The following CDYL2 variants were observed in gnomAD, a reference collection of about 807,000 sequenced individuals.
The protein encoded by CDYL2 is chromodomain Y-like protein 2.
In CDYL2, 23 loss-of-function variants were observed where a neutral mutation model predicts 49.4. The observed-to-expected ratio is 0.47, with a 90% confidence interval of 0.34 to 0.66. The LOEUF (loss-of-function observed/expected upper bound fraction) is 0.66. Among genes scored for constraint, CDYL2 ranks in the 30% least tolerant of loss-of-function variants. The probability of loss-of-function intolerance (pLI) is 0.01; values close to 1 mark genes in which losing one functional copy is unlikely to be tolerated. For missense variants in CDYL2, 678 were observed against 656.4 expected (o/e 1.03, Z -0.36); for synonymous variants, 360 against 268.8 (o/e 1.34, Z -3.32).
At chr16:80,745,484 G>A (rs1905896002) in intron 1 of CDYL2, among the ~76,000 whole-genome samples, 3 of 152,160 alleles carry the variant, frequency 2.0e-5, no homozygotes, top group South Asian at 4.1e-4. Context: ...AAAGCCACCA[G>A]ACCTTTCTGT....
intron 1 of CDYL2, among the ~76,000 whole-genome samples, chr16:80,745,367 C>A (rs933128891): frequency 6.6e-6 from 1 of 152,156 alleles, no homozygotes; most frequent in East Asian, 1.9e-4. Flanking sequence ...AAAAGAAACA[C>A]ATAAATACTC....
chr16:80,712,540 C>T (rs1336662264), intron 1 of CDYL2, among the ~76,000 whole-genome samples: 1 of 152,080 alleles, frequency 6.6e-6, no homozygotes, highest in Non-Finnish European at 1.5e-5. Context: ...CCAAACCCAG[C>T]AGCAGGATGG....
In CDYL2 at chr16:80,718,740, G is replaced by A. The variant is rs1360355688; in HGVS notation, c.25-33611C>T. 2.6e-5 allele frequency among the ~76,000 whole-genome samples: 4 copies of A among 152,310 alleles called. No homozygotes were observed. In the East Asian group the frequency reaches 5.8e-4, roughly 22 times the overall value. ...ACAGACACGTGGATAGTGGGATGGA[G>A]AACCCAGAACAATGGGCCAGAGGGC... is the stretch of plus-strand genomic sequence containing the variant. On this transcript the variant is annotated intron_variant, in intron 1 of 6. Coordinates refer to ENST00000570137, the MANE Select transcript of CDYL2 (RefSeq NM_152342.4).
chr16:80,642,161 C>G (rs2316153), intron 2 of CDYL2, among the ~76,000 whole-genome samples: 33,727 of 152,026 alleles, frequency 0.22, 4,883 homozygotes, highest in African/African-American at 0.38. Context: ...ATTTATTAGT[C>G]GCCGGGTGTG....
chr16:80,781,688 T>C (rs1204159383), intron 1 of CDYL2, among the ~76,000 whole-genome samples: 1 of 152,110 alleles, frequency 6.6e-6, no homozygotes, highest in Non-Finnish European at 1.5e-5. Flanking sequence ...AAGGAAATCA[T>C]ACAAAGTACC....
At chr16:80,713,835 G>C (rs965342251) in intron 1 of CDYL2, among the ~76,000 whole-genome samples, 2 of 152,126 alleles carry the variant, frequency 1.3e-5, no homozygotes, top group Non-Finnish European at 2.9e-5. Context: ...GAGCCATGCT[G>C]TGAGGAAGCC....
intron 1 of CDYL2, among the ~76,000 whole-genome samples, chr16:80,744,792 G>C (rs1905868733): frequency 6.6e-6 from 1 of 152,116 alleles, no homozygotes; most frequent in African/African-American, 2.4e-5. Context: ...GAACAGAACG[G>C]TAATGTTATC....
intron 1 of CDYL2, among the ~76,000 whole-genome samples, chr16:80,744,277 G>A (rs1213959539): frequency 1.3e-5 from 2 of 152,024 alleles, no homozygotes; most frequent in Non-Finnish European, 2.9e-5. Context: ...TGCTCCCTAG[G>A]CCTGCTCCTC....
At position 80,598,327 on chromosome 16, in the gene CDYL2, A is replaced by G. The variant is rs1486833115; in HGVS notation, c.*6061T>C. The G allele has an allele frequency of 2.0e-5, 3 of 152,126 alleles. No homozygotes were observed. Among genetic ancestry groups the G allele is most frequent in the African/African-American group, 7.2e-5 (3 of 41,440 alleles). 9.4% of individuals were successfully genotyped at this position (152,126 alleles called of 1,614,324 possible). Reference sequence around the variant, plus strand: ...TCCAAACACTCCTAGGGTGGGCTGGATAAGTTTTTGGTAGCCTGCTTCATT... The same window carrying G: ...TCCAAACACTCCTAGGGTGGGCTGGGTAAGTTTTTGGTAGCCTGCTTCATT... On this transcript the variant is annotated 3_prime_UTR_variant, in exon 7 of 7. Coordinates refer to ENST00000570137, the MANE Select transcript of CDYL2 (RefSeq NM_152342.4).
intron 2 of CDYL2, among the ~76,000 whole-genome samples, chr16:80,669,067 C>T (rs1453835698): frequency 6.6e-6 from 1 of 151,738 alleles, no homozygotes; most frequent in African/African-American, 2.4e-5. Context: ...TTTTAGGGAC[C>T]TAGATATACC....
At chr16:80,791,358 T>A (rs1015426042) in intron 1 of CDYL2, among the ~76,000 whole-genome samples, 1 of 152,216 alleles carries the variant, frequency 6.6e-6, no homozygotes, top group African/African-American at 2.4e-5. Context: ...AATTATTTCA[T>A]TAAACAGATT....
At chr16:80,675,340 T>C (rs979939223) in intron 2 of CDYL2, among the ~76,000 whole-genome samples, 1 of 152,216 alleles carries the variant, frequency 6.6e-6, no homozygotes, top group Non-Finnish European at 1.5e-5. Flanking sequence ...ACAAGGTTGA[T>C]CCCAGGTAAC....
At chr16:80,673,945 G>C (rs187062224) in intron 2 of CDYL2, among the ~76,000 whole-genome samples, 2 of 152,160 alleles carry the variant, frequency 1.3e-5, no homozygotes, top group Non-Finnish European at 2.9e-5. Context: ...ACCACGAGCC[G>C]AGGAGAACGT....
In CDYL2 at chr16:80,744,777, C is replaced by CA. The variant is rs200728052; in HGVS notation, c.24+59372dup. 1.8e-3 allele frequency among the ~76,000 whole-genome samples: 275 copies of CA among 152,272 alleles called. 1 individual carries two copies. Among genetic ancestry groups the CA allele is most frequent in the African/African-American group, 6.4e-3 (264 of 41,558 alleles). ...TCTGGTCAAGCTCTCTTCCAGTTGA[C>CA]AGAGGAACAGAACGGTAATGTTATC... On this transcript the variant is annotated intron_variant, in intron 1 of 6. Coordinates refer to ENST00000570137, the MANE Select transcript of CDYL2 (RefSeq NM_152342.4).
chr16:80,664,162 T>A (rs1296358262), intron 2 of CDYL2, among the ~76,000 whole-genome samples: 1 of 152,172 alleles, frequency 6.6e-6, no homozygotes, highest in Admixed American at 6.5e-5. Context: ...GCCTCCATCG[T>A]CTGGCCTCAT....
chr16:80,795,446 T>C (rs989923378), intron 1 of CDYL2, among the ~76,000 whole-genome samples: 2 of 152,206 alleles, frequency 1.3e-5, no homozygotes, highest in Non-Finnish European at 2.9e-5. Context: ...CATCGCTTTA[T>C]AAAGTCCTGG....
chr16:80,642,502 T>C (rs1412955410), intron 2 of CDYL2, among the ~76,000 whole-genome samples: 1 of 152,222 alleles, frequency 6.6e-6, no homozygotes, highest in African/African-American at 2.4e-5. Context: ...ATAGTGTTGT[T>C]ATAAGCTTAA....
chr16:80,668,562 G>T (rs544406101), intron 2 of CDYL2, among the ~76,000 whole-genome samples: 12 of 151,898 alleles, frequency 7.9e-5, no homozygotes, highest in Non-Finnish European at 1.5e-4. Context: ...AGATCCATAA[G>T]GAAACATTAA....
chr16:80,671,703 G>A (rs921980225), intron 2 of CDYL2, among the ~76,000 whole-genome samples: 8 of 152,318 alleles, frequency 5.3e-5, no homozygotes, highest in African/African-American at 1.2e-4. Context: ...GCAAATAAAC[G>A]ATACCGAGGC....
Sources: allele counts gnomAD v4.1 joint callset (sites outside exome capture counted in the v4.1 genomes callset), GRCh38; gene constraint gnomAD v4.1.1; transcripts MANE v1.5; gene names NCBI Gene and HGNC (gene_info 2026-07-23, HGNC 2026-07-21).